Variants in THSD4 observed in about 807,000 individuals in gnomAD.
THSD4 encodes the protein thrombospondin type 1 domain containing 4, also known as thrombospondin type-1 domain-containing protein 4.
In THSD4, 69 loss-of-function variants were observed where a neutral mutation model predicts 119.0. That is an observed-to-expected ratio of 0.58 (90% CI 0.48 to 0.71). THSD4 has a LOEUF of 0.71. Ranked by LOEUF, THSD4 falls within the 30% of genes least tolerant of loss-of-function variation. The pLI is 0.00. For synonymous variants in THSD4, 524 were observed against 540.4 expected (o/e 0.97, Z 0.42); for missense variants, 1,393 against 1,391.1 (o/e 1.00, Z -0.02).
chr15:71,320,829 A>G (rs1188861064), intron 6 of THSD4, among the ~76,000 whole-genome samples: 2 of 152,082 alleles, frequency 1.3e-5, no homozygotes, highest in Non-Finnish European at 2.9e-5. Flanking sequence ...ATCAAGGAAG[A>G]TGTTATGCTA....
intron 1 of THSD4, among the ~76,000 whole-genome samples, chr15:71,123,429 G>A (rs1250228807): frequency 2.6e-5 from 4 of 152,202 alleles, no homozygotes; most frequent in African/African-American, 9.7e-5. Context: ...TGTACATGCC[G>A]TAGGAATTAG....
At chr15:71,588,317 A>AG (rs1412128876) in intron 7 of THSD4, among the ~76,000 whole-genome samples, 3 of 151,856 alleles carry the variant, frequency 2.0e-5, no homozygotes, top group African/African-American at 7.3e-5. Context: ...AAAAAAAAAA[A>AG]AAAAAGAATC....
intron 6 of THSD4, among the ~76,000 whole-genome samples, chr15:71,402,890 C>A (rs8038816): frequency 1.3e-5 from 2 of 152,202 alleles, no homozygotes; most frequent in African/African-American, 4.8e-5. Flanking sequence ...TGATTAATAC[C>A]TTTTGGTTTT....
intron 6 of THSD4, among the ~76,000 whole-genome samples, chr15:71,274,446 T>C (rs1003536265): frequency 6.6e-6 from 1 of 152,118 alleles, no homozygotes; most frequent in Non-Finnish European, 1.5e-5. Context: ...GGTTGACCAG[T>C]GTGTATTTAC....
chr15:71,707,566 G>A (rs745313785), intron 8 of THSD4, among the ~76,000 whole-genome samples: 4 of 152,162 alleles, frequency 2.6e-5, no homozygotes, highest in South Asian at 4.2e-4. Flanking sequence ...CAAACATTTC[G>A]ATATCTCTAC....
intron 6 of THSD4, among the ~76,000 whole-genome samples, chr15:71,259,224 C>A (rs918812634): frequency 2.6e-5 from 4 of 152,018 alleles, no homozygotes; most frequent in Admixed American, 1.3e-4. Context: ...TACAAGGTAA[C>A]AACAAGGACT....
chr15:71,112,036 T>C, upstream of THSD4: 3 of 1,493,994 alleles, frequency 2.0e-6, no homozygotes, highest in Non-Finnish European at 2.7e-6. Context: ...TGCATTGCCT[T>C]CCTGTAATCT....
rs143088539 is a variant in THSD4, at chr15:71,507,787, A to T, written c.1152+95964A>T. 6.8e-4 allele frequency among the ~76,000 whole-genome samples: 104 copies of T among 152,328 alleles called. 1 individual carries two copies. In the East Asian group the frequency reaches 0.014, roughly 21 times the overall value. On this transcript the variant is annotated intron_variant, in intron 7 of 17. Transcript: ENST00000261862. ...TGTCTTTGACAGGTATCAGAAAGCCACATGCCCTCCCCATGGAAGCAGGAC... is the reference window on the plus strand; with the variant it reads ...TGTCTTTGACAGGTATCAGAAAGCCTCATGCCCTCCCCATGGAAGCAGGAC...
intron 6 of THSD4, among the ~76,000 whole-genome samples, chr15:71,271,376 G>A (rs1171338834): frequency 6.6e-6 from 1 of 152,160 alleles, no homozygotes; most frequent in African/African-American, 2.4e-5. Context: ...AGATACAAGA[G>A]CACATACTGT....
chr15:71,378,426 G>C (rs915462442), intron 6 of THSD4, among the ~76,000 whole-genome samples: 1 of 152,152 alleles, frequency 6.6e-6, no homozygotes, highest in African/African-American at 2.4e-5. Flanking sequence ...ATGGGCACTG[G>C]TTGATTCATT....
intron 3 of THSD4, among the ~76,000 whole-genome samples, chr15:71,169,834 A>C (rs1399949971): frequency 6.6e-6 from 1 of 152,168 alleles, no homozygotes; most frequent in Non-Finnish European, 1.5e-5. Flanking sequence ...GGGGTATGCT[A>C]GGCAGAACCT....
intron 4 of THSD4, among the ~76,000 whole-genome samples, chr15:71,229,451 A>G (rs10468049): frequency 0.053 from 8,071 of 152,292 alleles, 737 homozygotes; most frequent in African/African-American, 0.18. Context: ...GTATTTGTGT[A>G]TAACATACAC....
chr15:71,732,681 A>G (rs2053004119), intron 10 of THSD4: 1 of 152,200 alleles, frequency 6.6e-6, no homozygotes, highest in African/African-American at 2.4e-5. Context: ...TTTTAAGAGT[A>G]AGGAAATGGA....
At chr15:71,430,783 AG>A (rs2046933983) in intron 7 of THSD4, among the ~76,000 whole-genome samples, 1 of 148,898 alleles carries the variant, frequency 6.7e-6, no homozygotes, top group African/African-American at 2.5e-5. Flanking sequence ...AAAAAAAAAA[AG>A]AGAGTTACAT....
intron 6 of THSD4, among the ~76,000 whole-genome samples, chr15:71,389,720 A>G (rs575711774): frequency 3.9e-4 from 59 of 151,302 alleles, no homozygotes; most frequent in African/African-American, 1.4e-3. Flanking sequence ...TGCTTTCCAC[A>G]TGGCTATACT....
intron 6 of THSD4, among the ~76,000 whole-genome samples, chr15:71,369,946 C>CA (rs2046020794): frequency 1.3e-5 from 2 of 151,930 alleles, no homozygotes; most frequent in Non-Finnish European, 2.9e-5. Flanking sequence ...TTACTTAGTG[C>CA]CTCAATTTCA....
At chr15:71,463,063 G>A (rs188530242) in intron 7 of THSD4, among the ~76,000 whole-genome samples, 1 of 152,254 alleles carries the variant, frequency 6.6e-6, no homozygotes, top group South Asian at 2.1e-4. Context: ...GGGAATTGTT[G>A]TCAGTTGAGG....
intron 7 of THSD4, among the ~76,000 whole-genome samples, chr15:71,454,347 ATACT>A (rs2047307908): frequency 6.6e-6 from 1 of 152,354 alleles, no homozygotes; most frequent in African/African-American, 2.4e-5. Flanking sequence ...ATAAACCTTA[ATACT>A]TAAGTTAAAC....
At chr15:71,185,720 T>A (rs2043593875) in intron 3 of THSD4, 1 of 152,202 alleles carries the variant, frequency 6.6e-6, no homozygotes, top group African/African-American at 2.4e-5. Context: ...GGAGGAGGGC[T>A]TATTGTTTAG....
Sources: allele counts gnomAD v4.1 joint callset (sites outside exome capture counted in the v4.1 genomes callset), GRCh38; gene constraint gnomAD v4.1.1; transcripts MANE v1.5; gene names NCBI Gene and HGNC (gene_info 2026-07-23, HGNC 2026-07-21).